Variants in SMC6 observed in about 807,000 individuals in gnomAD.
SMC6 encodes the protein structural maintenance of chromosomes 6, also known as structural maintenance of chromosomes protein 6.
In SMC6, 79 loss-of-function variants were observed where a neutral mutation model predicts 142.2. The ratio of observed to expected loss-of-function variants is 0.56; its 90% CI spans 0.46 to 0.67. SMC6 has a LOEUF of 0.67. Ranked by LOEUF, SMC6 falls within the 30% of genes least tolerant of loss-of-function variation. SMC6 has a pLI of 0.00. For synonymous variants in SMC6, 411 were observed against 412.4 expected, an observed-to-expected ratio of 1.00 and a Z score of 0.04; for missense variants, 1,072 against 1,284.0, an observed-to-expected ratio of 0.83 and a Z score of 2.52.
rs542463852 is a variant in SMC6 at position 17,663,995 on chromosome 2, A to C, written c.*1504T>G. The C allele has an allele frequency of 6.6e-6, 1 of 152,356 alleles. No homozygotes were observed. The highest frequency in any genetic ancestry group is 2.1e-4 in the South Asian group (1 of 4,828). The allele number at this position is 152,356 out of a possible 1,614,324, so 9.4% of individuals were successfully genotyped here. On this transcript the variant is annotated 3_prime_UTR_variant, in exon 28 of 28. Transcript: ENST00000448223. Reference sequence around the variant, plus strand: ...GCAATGAATAATCTTCAATTCAACAAGAGATGCTGGGATACCTGAGGATTA... The same window carrying C: ...GCAATGAATAATCTTCAATTCAACACGAGATGCTGGGATACCTGAGGATTA...
chr2:17,751,396 C>T (rs1024192898), intron 2 of SMC6, among the ~76,000 whole-genome samples: 4 of 150,834 alleles, frequency 2.7e-5, no homozygotes, highest in Admixed American at 2.7e-4. Context: ...AGGAGAATCG[C>T]TTGAACCCGG....
chr2:17,742,668 A>G (rs1405004319), intron 3 of SMC6, among the ~76,000 whole-genome samples: 8 of 152,326 alleles, frequency 5.3e-5, no homozygotes, highest in African/African-American at 1.9e-4. Flanking sequence ...ACGTCTTACT[A>G]AACAGTAGAA....
At chr2:17,720,878 T>G in intron 11 of SMC6, 62 bp downstream of exon 11, 1 of 1,376,792 alleles carries the variant, frequency 7.3e-7, no homozygotes, top group Non-Finnish European at 1.0e-6. Context: ...TCATAAATAG[T>G]CTAATATCTG....
intron 3 of SMC6, 93 bp from the exon 4 acceptor site, chr2:17,741,822 C>T: frequency 1.4e-6 from 1 of 722,690 alleles, no homozygotes; most frequent in Non-Finnish European, 2.2e-6. Context: ...CTAGCACCAT[C>T]ACCAATGAAA....
rs200739341 is a variant in SMC6, at chr2:17,665,493, T to C, written c.*6A>G. ...AACATCAGGACAAGGCATGTTAAGTTACAAATCACCTTTGGTCATCATCTT... is the reference window on the plus strand; with the variant it reads ...AACATCAGGACAAGGCATGTTAAGTCACAAATCACCTTTGGTCATCATCTT... On this transcript the variant is annotated 3_prime_UTR_variant, in exon 28 of 28. Coordinates refer to ENST00000448223, the MANE Select transcript of SMC6 (RefSeq NM_001142286.2). 26 of 1,598,478 alleles carry C rather than the reference T, an allele frequency of 1.6e-5. No homozygotes were observed. In the Admixed American group the frequency reaches 3.2e-4, roughly 20 times the overall value.
chr2:17,704,585 G>T (rs1398244557), intron 18 of SMC6, among the ~76,000 whole-genome samples: 1 of 152,100 alleles, frequency 6.6e-6, no homozygotes, highest in Non-Finnish European at 1.5e-5. Context: ...ATATTCCCTG[G>T]AGCTGGCCAT....
chr2:17,707,288 G>T lies in SMC6; in HGVS notation c.1937C>A (p.Ala646Glu). 1 of 1,602,518 alleles carries T rather than the reference G, an allele frequency of 6.2e-7. No individual in the cohort carries two copies. The highest frequency in any genetic ancestry group is 8.5e-7 in the Non-Finnish European group (1 of 1,174,872). ...AFTADGDQVF[A>E]GRYYSSENTR... ...ATTTTCAGATGAATAATAACGTCCT[G>T]CAAAAACTTGATCACCATCAGCAGT... is the stretch of plus-strand genomic sequence containing the variant. The change falls in exon 18 of 28, where the codon GCA becomes GAA. Residue 646 changes from alanine (A) to glutamate (E), a missense_variant. This residue lies in a region of SMC6 where 994 missense variants were observed against 1,153.2 expected (regional missense o/e 0.86). Transcript: ENST00000448223.
In SMC6 at chr2:17,695,894, C is replaced by T. The variant is rs1473691419; in HGVS notation, c.2532+395G>A. ...TTCTCCTCTAAACACCGGGTCACTG[C>T]TTAGAATTGCCAATAGACATGTCTC... is the stretch of plus-strand genomic sequence containing the variant. On this transcript the variant is annotated intron_variant, in intron 22 of 27. Transcript: ENST00000448223. Among the ~76,000 whole-genome samples, 5 of 152,292 alleles carry T rather than the reference C, an allele frequency of 3.3e-5. No individual in the cohort carries two copies. In the South Asian group the frequency reaches 8.3e-4, roughly 25 times the overall value.
At chr2:17,750,953 C>T (rs1040508953) in intron 2 of SMC6, among the ~76,000 whole-genome samples, 4 of 122,326 alleles carry the variant, frequency 3.3e-5, no homozygotes, top group East Asian at 2.2e-4. Flanking sequence ...TGCAGTGAGC[C>T]GAAATCATGT....
intron 7 of SMC6, among the ~76,000 whole-genome samples, chr2:17,726,775 T>C (rs1368162687): frequency 6.6e-6 from 1 of 152,236 alleles, no homozygotes; most frequent in Non-Finnish European, 1.5e-5. Context: ...TTTTCACTTC[T>C]TACCTGCTGT....
chr2:17,679,974 C>CA (rs1667168451), intron 24 of SMC6: 2 of 152,286 alleles, frequency 1.3e-5, no homozygotes, highest in African/African-American at 4.8e-5. Flanking sequence ...TAAATTCCCA[C>CA]ACTAGAAATC....
rs142695227 is a variant in SMC6, at chr2:17,721,655, A to G, written c.727-394T>C. 1.3e-4 allele frequency among the ~76,000 whole-genome samples: 20 copies of G among 151,704 alleles called. No homozygotes were observed. The East Asian group carries it at 3.9e-3, about 29-fold the overall frequency. The stretch of plus-strand genomic sequence containing the variant: ...AGAATGTAAGGATGAGAAGAAATTT[A>G]TTTCTGAAAATCAAACAAGTTATAA... On this transcript the variant is annotated intron_variant, in intron 9 of 27. Coordinates refer to ENST00000448223, the MANE Select transcript of SMC6 (RefSeq NM_001142286.2).
intron 23 of SMC6, among the ~76,000 whole-genome samples, chr2:17,686,902 A>G (rs1667481189): frequency 6.6e-6 from 1 of 152,206 alleles, no homozygotes; most frequent in African/African-American, 2.4e-5. Context: ...TGTTCCGTGA[A>G]CAAAATTATT....
Position 17,716,850 on chromosome 2 carries a change from A to T in SMC6, c.1237T>A (p.Leu413Ile). The change falls in exon 14 of 28, where the codon TTA (leucine) becomes ATA (isoleucine). Residue 413 changes from leucine to isoleucine, a missense_variant. Leu to Ile is a conservative substitution (Grantham distance 5). Coordinates refer to ENST00000448223, the MANE Select transcript of SMC6 (RefSeq NM_001142286.2). Reference sequence around the variant, plus strand: ...TGAAAGGCCTTTACTCTCTCTTTTAACCAAGATATTTTTTTTTGTCTTTCC... The same window carrying T: ...TGAAAGGCCTTTACTCTCTCTTTTATCCAAGATATTTTTTTTTGTCTTTCC... ...RLERQKKISW[L>I]KERVKAFQNQ... The T allele has an allele frequency of 6.2e-7, 1 of 1,612,496 alleles. No individual in the cohort carries two copies. The highest frequency in any genetic ancestry group is 8.5e-7 in the Non-Finnish European group (1 of 1,179,534).
chr2:17,694,552 T>C (rs915642329), intron 23 of SMC6, among the ~76,000 whole-genome samples: 7 of 152,216 alleles, frequency 4.6e-5, no homozygotes, highest in African/African-American at 7.2e-5. Flanking sequence ...ACAACTAATA[T>C]ACTATATTTC....
intron 25 of SMC6, among the ~76,000 whole-genome samples, chr2:17,676,680 A>C (rs75884939): frequency 6.6e-6 from 1 of 152,084 alleles, no homozygotes; most frequent in African/African-American, 2.4e-5. Flanking sequence ...TGATCTAACA[A>C]CACCCTATAT....
rs764750711 is a variant in SMC6, at chr2:17,715,088, G to C, written c.1526-23C>G. On this transcript the variant is annotated intron_variant, in intron 15 of 27. Transcript: ENST00000448223. ...CTCCTAAAAGTGAGAGAAAATTACA[G>C]AAGGGCTCATAAATACTTATTTTGA... The C allele has an allele frequency of 3.1e-6, 5 of 1,604,486 alleles. No homozygotes were observed. The African/African-American group carries it at 6.7e-5, about 22-fold the overall frequency.
At chr2:17,745,558 G>A (rs1670704706) in intron 3 of SMC6, among the ~76,000 whole-genome samples, 1 of 152,054 alleles carries the variant, frequency 6.6e-6, no homozygotes, top group African/African-American at 2.4e-5. Context: ...CCCGATATTG[G>A]TAATTTGTGT....
chr2:17,741,559 C>T (rs770974174), intron 4 of SMC6, 53 bp downstream of exon 4: 2 of 1,142,192 alleles, frequency 1.8e-6, no homozygotes, highest in East Asian at 2.4e-5. Context: ...AGTTAACGTA[C>T]TCTAATCTCA....
Sources: gnomAD v4.1 joint callset for allele counts (sites outside exome capture counted in the v4.1 genomes callset) on GRCh38, gnomAD v4.1.1 for gene constraint, gnomAD v4.1.1 regional missense constraint, MANE v1.5 for transcripts, NCBI Gene and HGNC (gene_info 2026-07-23, HGNC 2026-07-21) for gene names.